Variants in SGCD observed in about 807,000 individuals in gnomAD.
SGCD encodes delta-sarcoglycan.
In SGCD, 18 loss-of-function variants were observed where a neutral mutation model predicts 36.6. The ratio of observed to expected loss-of-function variants is 0.49; its 90% confidence interval spans 0.34 to 0.73. The LOEUF is 0.73. Ranked by LOEUF, SGCD falls within the 30% of genes least tolerant of loss-of-function variation. SGCD has a pLI of 0.01. For missense variants in SGCD, 387 were observed against 346.7 expected, an observed-to-expected ratio of 1.12 and a Z score of -0.92; for synonymous variants, 133 against 130.6, an observed-to-expected ratio of 1.02 and a Z score of -0.12.
chr5:156,229,279 T>TACATATATATATATATATACACAC (rs1561574947), intron 3 of SGCD, among the ~76,000 whole-genome samples: 3 of 51,644 alleles, frequency 5.8e-5, no homozygotes, highest in African/African-American at 1.6e-4. Context: ...TATACATACA[T>TACATATATATATATATATACACAC]ATATATATAT....
chr5:156,760,964 G>T lies in SGCD; in HGVS notation c.*1574G>T, dbSNP rs1036457494. 5.3e-5 allele frequency: 8 copies of T among 152,266 alleles called. No individual in the cohort carries two copies. The highest frequency in any genetic ancestry group is 1.9e-4 in the African/African-American group (8 of 41,454). 9.4% of individuals were successfully genotyped at this position (152,266 alleles called of 1,614,324 possible). A position where few individuals can be genotyped will look rare whatever the true frequency, so the allele number is the denominator to read the frequency against. ...ATGTGGATTTCAAAGAGCCCAGAAT[G>T]AACTCATCACTGGCTTAGACAGTCC... is the stretch of plus-strand genomic sequence containing the variant. On this transcript the variant is annotated 3_prime_UTR_variant, in exon 9 of 9. Coordinates refer to ENST00000337851, the MANE Select transcript of SGCD (RefSeq NM_000337.6).
Position 156,307,889 on chromosome 5 carries a change from C to T in SGCD, c.-43-21645C>T, listed in dbSNP as rs185247005. ...AACATAAACTGATAATCTTTTAATG[C>T]GTTAGTCTATTAAACTATATAAAAA... On this transcript the variant is annotated intron_variant, in intron 3 of 9. Transcript: ENST00000517913. 2.2e-3 allele frequency among the ~76,000 whole-genome samples: 339 copies of T among 151,276 alleles called. 2 individuals carry two copies. The highest frequency in any genetic ancestry group is 8.0e-3 in the African/African-American group (325 of 40,854).
the SGCD span, among the ~76,000 whole-genome samples, chr5:155,734,643 G>A: frequency 6.8e-4 from 104 of 152,236 alleles, 1 homozygote; most frequent in Admixed American, 1.6e-3. Context: ...AACACATTCT[G>A]GTTTGTATTT....
chr5:156,108,226 A>G (rs1761696398), intron 1 of SGCD, among the ~76,000 whole-genome samples: 1 of 152,126 alleles, frequency 6.6e-6, no homozygotes, highest in South Asian at 2.1e-4. Flanking sequence ...TAAAATGTTA[A>G]TTAAAAAAAT....
At chr5:156,259,917 C>A (rs892402881) in intron 3 of SGCD, among the ~76,000 whole-genome samples, 4 of 152,134 alleles carry the variant, frequency 2.6e-5, no homozygotes, top group Admixed American at 2.6e-4. Context: ...TACCATGCGG[C>A]TGGGCTTTCT....
chr5:156,157,606 C>T (rs1972772), intron 3 of SGCD, among the ~76,000 whole-genome samples: 83,804 of 151,480 alleles, frequency 0.55, 25,330 homozygotes, highest in East Asian at 0.94. Flanking sequence ...ATACAATCAG[C>T]GATATAAACT....
intron 7 of SGCD, among the ~76,000 whole-genome samples, chr5:156,703,557 G>A (rs1462776920): frequency 6.6e-6 from 1 of 151,724 alleles, no homozygotes; most frequent in Non-Finnish European, 1.5e-5. Flanking sequence ...TGAAATAAAG[G>A]GATTTATCCT....
At chr5:156,340,111 A>G in intron 2 of SGCD, among the ~76,000 whole-genome samples, 1 of 152,252 alleles carries the variant, frequency 6.6e-6, no homozygotes, top group East Asian at 1.9e-4. Context: ...CTGGTTAATT[A>G]TATTTTCCAC....
At chr5:155,730,625 A>G in the SGCD span, among the ~76,000 whole-genome samples, 1 of 152,256 alleles carries the variant, frequency 6.6e-6, no homozygotes, top group Non-Finnish European at 1.5e-5. Context: ...TTCCCAGCAC[A>G]CACTTGGCGC....
At chr5:155,844,446 TG>T in the SGCD span, among the ~76,000 whole-genome samples, 1 of 152,018 alleles carries the variant, frequency 6.6e-6, no homozygotes, top group African/African-American at 2.4e-5. Flanking sequence ...TGTGTGTGTG[TG>T]TGTGTGTGTT....
chr5:156,242,457 A>G (rs1318719265), intron 3 of SGCD, among the ~76,000 whole-genome samples: 1 of 152,198 alleles, frequency 6.6e-6, no homozygotes, highest in Non-Finnish European at 1.5e-5. Context: ...AAAATTTCAT[A>G]GACCTAAAGA....
chr5:156,716,819 A>G (rs775872075), intron 7 of SGCD, among the ~76,000 whole-genome samples: 2 of 152,212 alleles, frequency 1.3e-5, no homozygotes, highest in Non-Finnish European at 2.9e-5. Context: ...TGTCATTTAC[A>G]CATCTGTTCC....
chr5:156,741,863 T>C (rs1241678919), intron 7 of SGCD, among the ~76,000 whole-genome samples: 1 of 151,980 alleles, frequency 6.6e-6, no homozygotes, highest in Admixed American at 6.6e-5. Flanking sequence ...AATCCAATTA[T>C]GTTTTCAGGT....
intron 1 of SGCD, among the ~76,000 whole-genome samples, chr5:155,956,747 T>C (rs1047506708): frequency 6.6e-6 from 1 of 151,724 alleles, no homozygotes; most frequent in African/African-American, 2.4e-5. Context: ...ATGGCCTTCA[T>C]TGTGTGTGTC....
At chr5:156,194,504 A>T (rs1452093072) in intron 3 of SGCD, among the ~76,000 whole-genome samples, 2 of 152,212 alleles carry the variant, frequency 1.3e-5, no homozygotes, top group Non-Finnish European at 2.9e-5. Flanking sequence ...AATGATATAC[A>T]TTAGGTGGAG....
At chr5:155,957,892 G>A (rs1016719635) in intron 1 of SGCD, among the ~76,000 whole-genome samples, 4 of 152,116 alleles carry the variant, frequency 2.6e-5, no homozygotes, top group South Asian at 2.1e-4. Context: ...ACATGAGTAC[G>A]TCATTCACAG....
chr5:156,387,520 T>G (rs1045293843), intron 3 of SGCD, among the ~76,000 whole-genome samples: 1 of 152,220 alleles, frequency 6.6e-6, no homozygotes, highest in East Asian at 1.9e-4. Context: ...CCAAGCATGA[T>G]GTATTGCACC....
intron 1 of SGCD, among the ~76,000 whole-genome samples, chr5:155,886,480 A>ATGTG (rs796741485): frequency 0.01 from 1,535 of 151,134 alleles, 15 homozygotes; most frequent in African/African-American, 0.028. Context: ...TTGCAGAGGA[A>ATGTG]TGTGTGTGTG....
At chr5:156,392,519 G>C (rs983799966) in intron 3 of SGCD, among the ~76,000 whole-genome samples, 1 of 152,132 alleles carries the variant, frequency 6.6e-6, no homozygotes, top group African/African-American at 2.4e-5. Flanking sequence ...CTGAAGGCCC[G>C]GGGGGCATGT....
Sources: gnomAD v4.1 joint callset for allele counts (sites outside exome capture counted in the v4.1 genomes callset) on GRCh38, gnomAD v4.1.1 for gene constraint, MANE v1.5 for transcripts, NCBI Gene and HGNC (gene_info 2026-07-23, HGNC 2026-07-21) for gene names.